Variants in CCDC91 observed in about 807,000 individuals in gnomAD.
CCDC91 encodes coiled-coil domain-containing protein 91.
In CCDC91, 48 loss-of-function variants were observed where a neutral mutation model predicts 63.2. The observed-to-expected ratio is 0.76, with a 90% CI of 0.60 to 0.97. The LOEUF is 0.97. CCDC91 is among the 50% of genes least tolerant of loss of function. CCDC91 has a pLI of 0.00. For missense variants in CCDC91, 500 were observed against 494.6 expected (o/e 1.01, Z -0.10); for synonymous variants, 167 against 165.8 (o/e 1.01, Z -0.06).
chr12:28,320,653 G>T (rs576767932), intron 6 of CCDC91, among the ~76,000 whole-genome samples: 9 of 151,906 alleles, frequency 5.9e-5, no homozygotes, highest in Non-Finnish European at 8.8e-5. Context: ...ACTTTATTTT[G>T]CAGGTAAGTA....
chr12:28,464,737 C>A lies in CCDC91; in HGVS notation c.1101+12083C>A, dbSNP rs1240807223. ...GCCTTGGGTGAGCCTCTGAGACTTGCTGGCTTCAGATGAGGCTCAGTACAT... is the reference window on the plus strand; with the variant it reads ...GCCTTGGGTGAGCCTCTGAGACTTGATGGCTTCAGATGAGGCTCAGTACAT... On this transcript the variant is annotated intron_variant, in intron 11 of 12. Coordinates refer to ENST00000536442, the MANE Select transcript of CCDC91 (RefSeq NM_018318.5). 3.3e-5 allele frequency among the ~76,000 whole-genome samples: 5 copies of A among 152,160 alleles called. No homozygotes were observed. The East Asian group carries it at 9.6e-4, about 29-fold the overall frequency.
chr12:28,536,466 T>C (rs922788418), intron 12 of CCDC91, among the ~76,000 whole-genome samples: 5 of 152,184 alleles, frequency 3.3e-5, no homozygotes, highest in Admixed American at 1.3e-4. Context: ...TGTTTCATCA[T>C]AGAGAAATAT....
At chr12:28,216,856 G>A (rs1397107240) in intron 1 of CCDC91, among the ~76,000 whole-genome samples, 1 of 152,006 alleles carries the variant, frequency 6.6e-6, no homozygotes, top group African/African-American at 2.4e-5. Context: ...AAACATCAGA[G>A]AATATCATAA....
At chr12:28,310,317 C>T (rs1459867558) in intron 6 of CCDC91, among the ~76,000 whole-genome samples, 4 of 152,090 alleles carry the variant, frequency 2.6e-5, no homozygotes, top group African/African-American at 4.8e-5. Context: ...TGAGACTTAA[C>T]GTATATCACT....
At chr12:28,513,516 T>C (rs1479865247) in intron 12 of CCDC91, among the ~76,000 whole-genome samples, 1 of 151,790 alleles carries the variant, frequency 6.6e-6, no homozygotes, top group Admixed American at 6.6e-5. Flanking sequence ...GATCCTCAGC[T>C]GGTAGTTATA....
intron 11 of CCDC91, among the ~76,000 whole-genome samples, chr12:28,470,954 G>A (rs949949936): frequency 4.0e-5 from 6 of 151,866 alleles, no homozygotes; most frequent in African/African-American, 1.5e-4. Flanking sequence ...TGTAAAAGTC[G>A]AAAGAAATGA....
chr12:28,292,629 T>A (rs1418833363), intron 3 of CCDC91, among the ~76,000 whole-genome samples: 2 of 152,134 alleles, frequency 1.3e-5, no homozygotes, highest in African/African-American at 4.8e-5. Flanking sequence ...CTAAGTTTTT[T>A]TTTTTAATAA....
chr12:28,334,298 G>A (rs1202068074), intron 6 of CCDC91, among the ~76,000 whole-genome samples: 6 of 151,966 alleles, frequency 3.9e-5, no homozygotes, highest in Admixed American at 3.9e-4. Flanking sequence ...TTCTGGCCTC[G>A]GGCAATTTGA....
At chr12:28,416,220 C>T (rs1351250192) in intron 8 of CCDC91, among the ~76,000 whole-genome samples, 1 of 151,942 alleles carries the variant, frequency 6.6e-6, no homozygotes, top group Admixed American at 6.6e-5. Context: ...TGTTATATCC[C>T]CACAACTATT....
chr12:28,323,343 T>C (rs1940696270), intron 6 of CCDC91, among the ~76,000 whole-genome samples: 1 of 151,830 alleles, frequency 6.6e-6, no homozygotes, highest in Non-Finnish European at 1.5e-5. Context: ...TTACTCCTTT[T>C]CCCACACAGT....
intron 6 of CCDC91, among the ~76,000 whole-genome samples, chr12:28,357,552 T>C (rs1943601739): frequency 6.6e-6 from 1 of 151,628 alleles, no homozygotes; most frequent in Non-Finnish European, 1.5e-5. Context: ...ACAGAAAACA[T>C]ACCTGTTGAT....
chr12:28,503,455 G>T (rs1938242176), intron 12 of CCDC91, among the ~76,000 whole-genome samples: 1 of 152,242 alleles, frequency 6.6e-6, no homozygotes, highest in Middle Eastern at 3.4e-3. Flanking sequence ...GAGAGGATGT[G>T]GAGAAATAGG....
At chr12:28,470,233 A>G (rs1339945407) in intron 11 of CCDC91, among the ~76,000 whole-genome samples, 3 of 152,170 alleles carry the variant, frequency 2.0e-5, no homozygotes, top group Non-Finnish European at 4.4e-5. Flanking sequence ...AAACAACCCT[A>G]TAGGAAACAA....
intron 1 of CCDC91, among the ~76,000 whole-genome samples, chr12:28,195,146 A>G (rs538096221): frequency 3.0e-4 from 27 of 89,134 alleles, no homozygotes; most frequent in African/African-American, 9.7e-4. Flanking sequence ...CAGAGTGCTG[A>G]TTGGTCCGTT....
intron 12 of CCDC91, among the ~76,000 whole-genome samples, chr12:28,522,745 ATG>A (rs1940847219): frequency 6.6e-6 from 1 of 152,090 alleles, no homozygotes; most frequent in African/African-American, 2.4e-5. Flanking sequence ...ACTGCTTTCA[ATG>A]TGTCCCAGAA....
intron 8 of CCDC91, among the ~76,000 whole-genome samples, chr12:28,426,103 G>A (rs1377035503): frequency 2.0e-5 from 3 of 152,038 alleles, no homozygotes; most frequent in East Asian, 1.9e-4. Flanking sequence ...GATATCACTA[G>A]TCTCTTCTCT....
chr12:28,511,032 C>T (rs1478177583), intron 12 of CCDC91, among the ~76,000 whole-genome samples: 2 of 151,892 alleles, frequency 1.3e-5, no homozygotes, highest in Admixed American at 6.6e-5. Context: ...CTGAAAAGGT[C>T]GACATGTGTA....
chr12:28,505,022 C>A (rs763328234), intron 12 of CCDC91, among the ~76,000 whole-genome samples: 1 of 151,936 alleles, frequency 6.6e-6, no homozygotes, highest in Non-Finnish European at 1.5e-5. Flanking sequence ...AATGGTTACC[C>A]ATTGTAGTAT....
At chr12:28,191,574 C>T (rs1223261260) in intron 1 of CCDC91, among the ~76,000 whole-genome samples, 1 of 152,070 alleles carries the variant, frequency 6.6e-6, no homozygotes, top group East Asian at 1.9e-4. Flanking sequence ...TTGCATGTTG[C>T]GTGGTGGAGT....
Sources: allele counts gnomAD v4.1 joint callset (sites outside exome capture counted in the v4.1 genomes callset), GRCh38; gene constraint gnomAD v4.1.1; transcripts MANE v1.5; gene names NCBI Gene and HGNC (gene_info 2026-07-23, HGNC 2026-07-21).